MUC5B: variants seen among roughly 807,000 people sequenced by gnomAD.
The protein encoded by MUC5B is mucin 5B, oligomeric mucus/gel-forming.
A neutral mutation model predicts 376.9 loss-of-function variants in MUC5B; 116 were observed. That is an observed-to-expected ratio of 0.31 (90% CI 0.26 to 0.36). The LOEUF (loss-of-function observed/expected upper bound fraction) is 0.36. MUC5B is among the 10% of genes least tolerant of loss of function. The probability of loss-of-function intolerance (pLI) is 1.00; values close to 1 mark genes in which losing one functional copy is unlikely to be tolerated. For missense variants in MUC5B, 7,165 were observed against 7,769.9 expected (o/e 0.92, Z 2.93); for synonymous variants, 3,517 against 3,390.9 (o/e 1.04, Z -1.29).
chr11:1,233,711 T>G, intron 18 of MUC5B, 82 bp from the exon 19 acceptor site: 1 of 1,420,272 alleles, frequency 7.0e-7, no homozygotes, highest in Middle Eastern at 2.1e-4. Context: ...AGGCCCAGCG[T>G]TCGGCGGGGG....
In MUC5B at chr11:1,248,372, C is replaced by A; in HGVS notation, c.11492C>A (p.Ala3831Asp). Residue 3831 changes from alanine to aspartate, a missense_variant, in exon 31 of 49, where the codon GCC (alanine) becomes GAC (aspartate). Ala to Asp is a moderately radical substitution (Grantham distance 126, BLOSUM62 -2). This residue lies in a region of MUC5B where 242 missense variants were observed against 199.0 expected (regional missense o/e 1.22). Transcript: ENST00000529681. ...TATPSSTPET[A>D]HTSTVLTTTA... ...ACACCCTCCTCCACTCCAGAGACTG[C>A]CCACACCTCCACAGTGCTTACCACC... 1 of 1,612,096 alleles carries A rather than the reference C, an allele frequency of 6.2e-7. No homozygotes were observed. Among genetic ancestry groups the A allele is most frequent in the Non-Finnish European group, 8.5e-7 (1 of 1,179,054 alleles).
At chr11:1,226,429 C>A in intron 3 of MUC5B, 153 bp downstream of exon 3, 1 of 1,290,320 alleles carries the variant, frequency 7.8e-7, no homozygotes, top group Non-Finnish European at 1.1e-6. Flanking sequence ...ACTGGCCACC[C>A]TGGGGGATGG....
At position 1,246,137 on chromosome 11, in the gene MUC5B, C is replaced by T. The variant is rs1862456179; in HGVS notation, c.9257C>T (p.Thr3086Ile). 2 of 1,613,054 alleles carry T rather than the reference C, an allele frequency of 1.2e-6. No homozygotes were observed. Among genetic ancestry groups the T allele is most frequent in the African/African-American group, 2.7e-5 (2 of 74,698 alleles). ...GGGACCCTCCCAGAACAGACCACCACACCCATGGCCACCATGTCCACAATC... is the reference window on the plus strand; with the variant it reads ...GGGACCCTCCCAGAACAGACCACCATACCCATGGCCACCATGTCCACAATC... ...TTGTLPEQTT[T>I]PMATMSTIHP... Residue 3086 changes from threonine to isoleucine, a missense_variant, in exon 31 of 49, where the codon ACA becomes ATA. Thr to Ile is a moderately conservative substitution (Grantham distance 89). Transcript: ENST00000529681.
rs556922089 is a variant in MUC5B, at chr11:1,244,080, C to G, written c.7200C>G (p.Phe2400Leu). ...AGGTGGGGAAGTTCAAGATGTGCTT[C>G]AACTATGAAATCCGTGTGTTCTGCT... ...REQVGKFKMC[F>L]NYEIRVFCCN... Residue 2400 changes from phenylalanine to leucine, a missense_variant, in exon 31 of 49, where the codon TTC becomes TTG. Physicochemically the swap from Phe to Leu is conservative, Grantham distance 22. Coordinates refer to ENST00000529681, the MANE Select transcript of MUC5B (RefSeq NM_002458.3). 255 of 1,486,262 alleles carry G rather than the reference C, an allele frequency of 1.7e-4. No homozygotes were observed. The African/African-American group carries it at 3.2e-3, about 18-fold the overall frequency. 92.1% of individuals were successfully genotyped at this position (1,486,262 alleles called of 1,614,324 possible).
Position 1,234,957 on chromosome 11 carries a change from G to A in MUC5B, c.2631-128G>A. ...AGTGGGGGACACCACTTCTTCCACG[G>A]AGGAGGGGTCAGGCTGGGCCTGGGG... On this transcript the variant is annotated intron_variant, in intron 21 of 48. Transcript: ENST00000529681. The surrounding 1 kb of genome is among the most constrained non-coding windows in gnomAD (Gnocchi z 6.3). The A allele has an allele frequency of 7.6e-7, 1 of 1,311,402 alleles. No individual in the cohort carries two copies. The allele number at this position is 1,311,402 out of a possible 1,614,324, so 81.2% of individuals were successfully genotyped here.
At position 1,250,764 on chromosome 11, in the gene MUC5B, C is replaced by G. The variant is rs369165890; in HGVS notation, c.13884C>G (p.Thr4628=). The change falls in exon 31 of 49, where the codon ACC becomes ACG. Residue 4628 remains threonine, a synonymous_variant. Transcript: ENST00000529681. ...GCACAACCACCACACCCACAACCAC[C>G]ACACCCACAACCAGTGGCTCCACGG... is the stretch of plus-strand genomic sequence containing the variant. ...WISTTTTPTT[T]TPTTSGSTVT... 3 of 1,612,410 alleles carry G rather than the reference C, an allele frequency of 1.9e-6. No homozygotes were observed. The Admixed American group carries it at 5.0e-5, about 27-fold the overall frequency.
rs750381166 is a variant in MUC5B, at chr11:1,252,450, C to T, written c.14971C>T (p.Pro4991Ser). 1.9e-6 allele frequency: 3 copies of T among 1,610,274 alleles called. No homozygotes were observed. Among genetic ancestry groups the T allele is most frequent in the South Asian group, 1.1e-5 (1 of 90,732 alleles). Residue 4991 changes from proline to serine, a missense_variant, in exon 32 of 49, where the codon CCG becomes TCG. Pro to Ser is a moderately conservative substitution (Grantham distance 74). Transcript: ENST00000529681. ...CCAGGGCGCCTGTCCCACCTCCCCA[C>T]CGCCAGTGTCCTCCGCCCCGCTGTC... ...RFQGACPTSP[P>S]PVSSAPLSSP... is the part of the protein sequence containing the mutation.
chr11:1,251,339 C>G lies in MUC5B; in HGVS notation c.14459C>G (p.Thr4820Ser), dbSNP rs747409979. The G allele has an allele frequency of 1.2e-6, 2 of 1,610,802 alleles. No homozygotes were observed. Among genetic ancestry groups the G allele is most frequent in the Non-Finnish European group, 1.7e-6 (2 of 1,178,042 alleles). Residue 4820 changes from threonine (T) to serine (S), a missense_variant, in exon 31 of 49, where the codon ACT becomes AGT. Coordinates refer to ENST00000529681, the MANE Select transcript of MUC5B (RefSeq NM_002458.3). ...ACTCTGGGGACGACCCGGATCCTCA[C>G]TGAGCTGACCACAACAGCCACTACA... ...SSTLGTTRIL[T>S]ELTTTATTTA... is the part of the protein sequence containing the mutation.
At chr11:1,256,255 T>C (rs55797856) in intron 38 of MUC5B, 30 bp downstream of exon 38, 19,460 of 717,478 alleles carry the variant, frequency 0.027, 408 homozygotes, top group Non-Finnish European at 0.031. Flanking sequence ...GTGCCTTCCC[T>C]GCCACCCAGG....
chr11:1,234,402 C>T lies in MUC5B; in HGVS notation c.2478+97C>T. On this transcript the variant is annotated intron_variant, in intron 20 of 48. Transcript: ENST00000529681. This position sits in a 1 kb window ranked among gnomAD's most constrained non-coding sequence, Gnocchi z 6.3. ...TCTGGTGGTCCTGGAGACACTTACC[C>T]ACCTGGAAGCTCCGCCCTGGCCCAT... 1 of 1,495,470 alleles carries T rather than the reference C, an allele frequency of 6.7e-7. No homozygotes were observed. The highest frequency in any genetic ancestry group is 1.2e-5 in the South Asian group (1 of 81,044). The allele number at this position is 1,495,470 out of a possible 1,614,324, so 92.6% of individuals were successfully genotyped here. A position where few individuals can be genotyped will look rare whatever the true frequency, so the allele number is the denominator to read the frequency against.
rs887101148 is a variant in MUC5B, at chr11:1,257,104, G to C, written c.16238-136G>C. The C allele has an allele frequency of 7.3e-6, 5 of 688,346 alleles. No homozygotes were observed. The highest frequency in any genetic ancestry group is 1.4e-5 in the Non-Finnish European group (5 of 369,590). 42.6% of individuals were successfully genotyped at this position (688,346 alleles called of 1,614,324 possible). ...CCTGGCCTGAGCTCCAGCCACATCT[G>C]ACACCCCAAAAGTTCTCCAGGGCCT... On this transcript the variant is annotated intron_variant, in intron 39 of 48. Coordinates refer to ENST00000529681, the MANE Select transcript of MUC5B (RefSeq NM_002458.3). This position sits in a 1 kb window ranked among gnomAD's most constrained non-coding sequence, Gnocchi z 8.9.
At chr11:1,236,776 T>A in intron 24 of MUC5B, 149 bp from the exon 25 acceptor site, 1 of 1,117,804 alleles carries the variant, frequency 8.9e-7, no homozygotes, top group Non-Finnish European at 1.2e-6. Flanking sequence ...CACACCTGTC[T>A]CCTACAAGTT....
chr11:1,244,751 C>A lies in MUC5B; in HGVS notation c.7871C>A (p.Pro2624Gln), dbSNP rs775891876. ...TTCACAGCCACCCCCTCCTCCAGCCCAGGGACGGCACGCACGCTTCCAGTG... is the reference window on the plus strand; with the variant it reads ...TTCACAGCCACCCCCTCCTCCAGCCAAGGGACGGCACGCACGCTTCCAGTG... ...TGFTATPSSS[P>Q]GTARTLPVWI... The change falls in exon 31 of 49, where the codon CCA becomes CAA. Residue 2624 changes from proline (P) to glutamine (Q), a missense_variant. By Grantham distance (76) the Pro-to-Gln change is moderately conservative. Transcript: ENST00000529681. 8 of 1,612,474 alleles carry A rather than the reference C, an allele frequency of 5.0e-6. No individual in the cohort carries two copies. Among genetic ancestry groups the A allele is most frequent in the Admixed American group, 1.7e-5 (1 of 59,800 alleles).
In MUC5B at chr11:1,241,495, C is replaced by G; in HGVS notation, c.4615C>G (p.His1539Asp). The G allele has an allele frequency of 6.2e-7, 1 of 1,613,694 alleles. No homozygotes were observed. The highest frequency in any genetic ancestry group is 1.7e-5 in the Admixed American group (1 of 60,002). ...SYDKIRAAGG[H>D]LCQQPKDIEC... ...CGATAAGATCAGGGCCGCTGGAGGGCACTTATGCCAGCAGCCTAAGGACAT... is the reference window on the plus strand; with the variant it reads ...CGATAAGATCAGGGCCGCTGGAGGGGACTTATGCCAGCAGCCTAAGGACAT... Residue 1539 changes from histidine to aspartate, a missense_variant, in exon 31 of 49, where the codon CAC becomes GAC. This residue lies in a region of MUC5B where 517 missense variants were observed against 545.3 expected (regional missense o/e 0.95). Transcript: ENST00000529681.
Position 1,247,091 on chromosome 11 carries a change from C to T in MUC5B, c.10211C>T (p.Thr3404Ile). 6.4e-7 allele frequency: 1 copy of T among 1,562,948 alleles called. No homozygotes were observed. The highest frequency in any genetic ancestry group is 8.7e-7 in the Non-Finnish European group (1 of 1,153,966). The change falls in exon 31 of 49, where the codon ACC (threonine) becomes ATC (isoleucine). Residue 3404 changes from threonine to isoleucine, a missense_variant. Thr to Ile is a moderately conservative substitution (Grantham distance 89, BLOSUM62 -1). Around this residue, in one of 31 missense-constraint regions of MUC5B, gnomAD observed 939 missense variants for 770.6 expected, o/e 1.22. Transcript: ENST00000529681. Reference sequence around the variant, plus strand: ...ACGATCACAGCCACCGGCTCCACCACCAACCCCTCCTCAACTCCAGGGACA... The same window carrying T: ...ACGATCACAGCCACCGGCTCCACCATCAACCCCTCCTCAACTCCAGGGACA... ...ATTITATGST[T>I]NPSSTPGTTP...
At chr11:1,225,848 C>T in intron 2 of MUC5B, 111 bp downstream of exon 2, 2 of 1,051,080 alleles carry the variant, frequency 1.9e-6, no homozygotes, top group Non-Finnish European at 2.8e-6. Context: ...GACAGAGACC[C>T]TCCCTGGGTC....
Position 1,226,732 on chromosome 11 carries a change from A to G in MUC5B, c.317A>G (p.His106Arg), listed in dbSNP as rs764319249. Residue 106 changes from histidine (H) to arginine (R), a missense_variant, in exon 4 of 49, where the codon CAC becomes CGC. Physicochemically the swap from His to Arg is conservative, Grantham distance 29 (BLOSUM62 0). This residue lies in a region of MUC5B where 640 missense variants were observed against 733.0 expected (regional missense o/e 0.87). Coordinates refer to ENST00000529681, the MANE Select transcript of MUC5B (RefSeq NM_002458.3). ...CTTTGCAACTACGTGTTCTCTGAGC[A>G]CTGCCGCGCCGCCTACGAGGACTTC... ...PGLCNYVFSE[H>R]CRAAYEDFNV... 5.0e-6 allele frequency: 8 copies of G among 1,612,644 alleles called. No homozygotes were observed. Among genetic ancestry groups the G allele is most frequent in the Non-Finnish European group, 5.9e-6 (7 of 1,179,834 alleles).
rs1245158283 is a variant in MUC5B, at chr11:1,228,734, G to A, written c.945G>A (p.Gln315=). 3 of 1,522,360 alleles carry A rather than the reference G, an allele frequency of 2.0e-6. No homozygotes were observed. Among genetic ancestry groups the A allele is most frequent in the East Asian group, 4.9e-5 (2 of 40,556 alleles). 94.3% of individuals were successfully genotyped at this position (1,522,360 alleles called of 1,614,324 possible). A position where few individuals can be genotyped will look rare whatever the true frequency, so the allele number is the denominator to read the frequency against. Reference sequence around the variant, plus strand: ...GCCAGTGCGCCCACGCGGGGGGCCAGCCGCGGAACTGGAGGTGCCCTGAGC... The same window carrying A: ...GCCAGTGCGCCCACGCGGGGGGCCAACCGCGGAACTGGAGGTGCCCTGAGC... The part of the protein sequence containing the change: ...YSRQCAHAGG[Q]PRNWRCPELC... The change falls in exon 8 of 49, where the codon CAG becomes CAA. Residue 315 remains glutamine (Q), a synonymous_variant. Transcript: ENST00000529681.
intron 13 of MUC5B, 60 bp from the exon 14 acceptor site, chr11:1,231,363 C>A: frequency 6.5e-7 from 1 of 1,532,324 alleles, no homozygotes; most frequent in Non-Finnish European, 8.8e-7. Flanking sequence ...CCCTGCCCCT[C>A]CAATCTAGCC....
Sources: allele counts gnomAD v4.1 joint callset, GRCh38; gene constraint gnomAD v4.1.1; regional missense constraint gnomAD v4.1.1; non-coding constraint Gnocchi (gnomAD v3.1); transcripts MANE v1.5; gene names NCBI Gene and HGNC (gene_info 2026-07-23, HGNC 2026-07-21).